Variants in RTTN observed in about 807,000 individuals in gnomAD.
RTTN encodes the protein rotatin.
RTTN carries 182 observed loss-of-function variants against 269.2 expected under a neutral mutation model. That is an observed-to-expected ratio of 0.68 (90% CI 0.60 to 0.76). RTTN has a LOEUF of 0.76. Among genes scored for constraint, RTTN ranks in the 30% least tolerant of loss-of-function variants. The pLI is 0.00. For missense variants in RTTN, 2,545 were observed against 2,608.6 expected, an observed-to-expected ratio of 0.98 and a Z score of 0.53; for synonymous variants, 1,006 against 963.5, an observed-to-expected ratio of 1.04 and a Z score of -0.82.
At chr18:70,043,671 C>T (rs2144738713) in intron 40 of RTTN, among the ~76,000 whole-genome samples, 1 of 152,290 alleles carries the variant, frequency 6.6e-6, no homozygotes, top group Non-Finnish European at 1.5e-5. Flanking sequence ...GTTTGGTTCT[C>T]TAAAATGTGT....
At chr18:70,149,108 A>C in intron 16 of RTTN, 71 bp from the exon 17 acceptor site, 2 of 1,375,872 alleles carry the variant, frequency 1.5e-6, no homozygotes, top group Non-Finnish European at 2.0e-6. Flanking sequence ...GAAAATAAGA[A>C]TTGTATTGTC....
At chr18:70,186,182 C>G (rs554079337) in intron 10 of RTTN, among the ~76,000 whole-genome samples, 4 of 152,042 alleles carry the variant, frequency 2.6e-5, no homozygotes, top group African/African-American at 9.6e-5. Context: ...ACCCCATTGT[C>G]CACCAACAGG....
At chr18:70,200,725 A>C (rs1483053550) in intron 4 of RTTN, among the ~76,000 whole-genome samples, 1 of 152,208 alleles carries the variant, frequency 6.6e-6, no homozygotes, top group African/African-American at 2.4e-5. Context: ...TTTTCAACTT[A>C]ACTGTGCAGG....
intron 40 of RTTN, among the ~76,000 whole-genome samples, chr18:70,035,490 G>A (rs1023312993): frequency 6.6e-6 from 1 of 152,122 alleles, no homozygotes; most frequent in Non-Finnish European, 1.5e-5. Context: ...AATGGTGCTG[G>A]GATAACTGAC....
intron 37 of RTTN, 109 bp downstream of exon 37, chr18:70,057,633 A>G: frequency 1.4e-6 from 1 of 737,378 alleles, no homozygotes; most frequent in Admixed American, 2.3e-5. Context: ...CATACCATGT[A>G]TATTTTGAGA....
At chr18:70,027,419 C>A (rs1011806949) in intron 43 of RTTN, among the ~76,000 whole-genome samples, 1 of 152,150 alleles carries the variant, frequency 6.6e-6, no homozygotes, top group African/African-American at 2.4e-5. Flanking sequence ...TATTAAACAA[C>A]TTAGAAATAC....
At position 70,149,042 on chromosome 18, in the gene RTTN, T is replaced by C. The variant is rs955663331; in HGVS notation, c.2173-5A>G. On this transcript the variant is annotated splice_region_variant and splice_polypyrimidine_tract_variant and intron_variant, in intron 16 of 48. Transcript: ENST00000640769. ...ATCTTCTGTGTCGGCATAGCCCTAA[T>C]AGATTTGTTTTTAAAGAGAAATTAT... 4 of 1,606,518 alleles carry C rather than the reference T, an allele frequency of 2.5e-6. No homozygotes were observed. Among genetic ancestry groups the C allele is most frequent in the African/African-American group, 1.3e-5 (1 of 74,450 alleles).
At chr18:70,103,028 G>A (rs183947211) in intron 28 of RTTN, among the ~76,000 whole-genome samples, 1 of 148,928 alleles carries the variant, frequency 6.7e-6, no homozygotes, top group African/African-American at 2.5e-5. Flanking sequence ...GGGAAGTGAG[G>A]AGCGCCTCTG....
intron 30 of RTTN, among the ~76,000 whole-genome samples, chr18:70,090,155 G>T (rs1320543910): frequency 6.6e-6 from 1 of 152,152 alleles, no homozygotes; most frequent in Admixed American, 6.6e-5. Context: ...TGCAGAGAAT[G>T]AAGGAAAGCT....
chr18:70,111,613 A>T lies in RTTN; in HGVS notation c.3684-1896T>A, dbSNP rs537815821. Among the ~76,000 whole-genome samples the T allele has an allele frequency of 1.1e-4, 16 of 152,340 alleles. No individual in the cohort carries two copies. The East Asian group carries it at 2.9e-3, about 28-fold the overall frequency. The stretch of plus-strand genomic sequence containing the variant: ...AAGACAAGATTAGAGAAAAAAGAAT[A>T]AAAAGGAACAAACAAAGGCTCCAAG... On this transcript the variant is annotated intron_variant, in intron 27 of 48. Transcript: ENST00000640769.
intron 11 of RTTN, among the ~76,000 whole-genome samples, chr18:70,172,220 T>G (rs1458139669): frequency 6.6e-6 from 1 of 152,206 alleles, no homozygotes; most frequent in Non-Finnish European, 1.5e-5. Flanking sequence ...TTCTCCAAAA[T>G]CATTTAATAT....
At chr18:70,149,402 T>C (rs1281050379) in intron 16 of RTTN, among the ~76,000 whole-genome samples, 31 of 152,056 alleles carry the variant, frequency 2.0e-4, no homozygotes, top group Admixed American at 2.0e-3. Flanking sequence ...ACGCATGGAA[T>C]CTGTGAGTCT....
At chr18:70,070,911 T>C (rs1011654518) in intron 34 of RTTN, among the ~76,000 whole-genome samples, 2 of 152,202 alleles carry the variant, frequency 1.3e-5, no homozygotes, top group South Asian at 2.1e-4. Flanking sequence ...TTGCAAATGT[T>C]TGTATGCATA....
At chr18:70,156,340 C>T (rs540337412) in intron 14 of RTTN, among the ~76,000 whole-genome samples, 6 of 152,140 alleles carry the variant, frequency 3.9e-5, no homozygotes, top group African/African-American at 1.4e-4. Context: ...TCTCCCATAG[C>T]GCTCCCAGGC....
chr18:70,097,121 T>C (rs915983627), intron 28 of RTTN, among the ~76,000 whole-genome samples: 1 of 152,228 alleles, frequency 6.6e-6, no homozygotes, highest in African/African-American at 2.4e-5. Flanking sequence ...TCTGGAATTA[T>C]ACATCATGTA....
chr18:70,011,538 C>T lies in RTTN; in HGVS notation c.6422-5054G>A, dbSNP rs1030191106. Among the ~76,000 whole-genome samples, 9 of 152,274 alleles carry T rather than the reference C, an allele frequency of 5.9e-5. No homozygotes were observed. In the East Asian group the frequency reaches 1.2e-3, roughly 20 times the overall value. On this transcript the variant is annotated intron_variant, in intron 46 of 48. Coordinates refer to ENST00000640769, the MANE Select transcript of RTTN (RefSeq NM_173630.4). ...GAAAGGCCTTCAAAAAAATTCAACA[C>T]CCTTTCATGCTAAAAACTCTCAATA...
intron 8 of RTTN, among the ~76,000 whole-genome samples, chr18:70,192,844 T>C (rs1246532681): frequency 1.3e-5 from 2 of 152,158 alleles, no homozygotes; most frequent in Admixed American, 6.5e-5. Flanking sequence ...CTATCAACAA[T>C]GTATCTATCA....
At chr18:70,014,950 A>G (rs1238670861) in intron 46 of RTTN, among the ~76,000 whole-genome samples, 1 of 152,144 alleles carries the variant, frequency 6.6e-6, no homozygotes, top group African/African-American at 2.4e-5. Context: ...TCAAAACTGG[A>G]CTGGGAGTTT....
At chr18:70,183,364 T>TTA (rs887430374) in intron 10 of RTTN, among the ~76,000 whole-genome samples, 2 of 152,064 alleles carry the variant, frequency 1.3e-5, no homozygotes, top group Non-Finnish European at 2.9e-5. Flanking sequence ...GTGGCTTAGA[T>TTA]TATAGGTAGA....
Sources: gnomAD v4.1 joint callset for allele counts (sites outside exome capture counted in the v4.1 genomes callset) on GRCh38, gnomAD v4.1.1 for gene constraint, MANE v1.5 for transcripts, NCBI Gene and HGNC (gene_info 2026-07-23, HGNC 2026-07-21) for gene names.